Variants in PRMT7 observed in about 807,000 individuals in gnomAD.
PRMT7 encodes the protein protein arginine methyltransferase 7.
PRMT7 carries 75 observed loss-of-function variants against 85.4 expected under a neutral mutation model. The observed-to-expected ratio is 0.88, with a 90% CI of 0.73 to 1.06. PRMT7 has a LOEUF of 1.06. Among genes scored for constraint, PRMT7 ranks in the 50% least tolerant of loss-of-function variants. The pLI is 0.00. For missense variants in PRMT7, 868 were observed against 915.2 expected (o/e 0.95, Z 0.67); for synonymous variants, 397 against 359.5 (o/e 1.10, Z -1.18).
At chr16:68,339,691 C>T (rs976633064) in intron 8 of PRMT7, 97 bp from the exon 9 acceptor site, 2 of 1,573,024 alleles carry the variant, frequency 1.3e-6, no homozygotes, top group Admixed American at 1.7e-5. Context: ...GAGTCCTTTG[C>T]AGCCAAATGT....
chr16:68,314,205 G>A (rs190158980), intron 2 of PRMT7, among the ~76,000 whole-genome samples: 116 of 152,232 alleles, frequency 7.6e-4, no homozygotes, highest in Middle Eastern at 3.4e-3. Flanking sequence ...GTTTGTTCAG[G>A]GAAGATTGTT....
intron 14 of PRMT7, chr16:68,351,953 T>C (rs944299245): frequency 6.9e-5 from 18 of 261,974 alleles, no homozygotes; most frequent in Non-Finnish European, 1.4e-5. Flanking sequence ...CCCCACTTTG[T>C]CTGCTTCCCT....
At chr16:68,343,719 G>C (rs1237288381) in intron 9 of PRMT7, among the ~76,000 whole-genome samples, 3 of 152,206 alleles carry the variant, frequency 2.0e-5, no homozygotes, top group Non-Finnish European at 4.4e-5. Flanking sequence ...AAGAACCTGT[G>C]TTATTCCTGT....
intron 3 of PRMT7, among the ~76,000 whole-genome samples, chr16:68,319,742 T>TGTG (rs1271993191): frequency 5.0e-5 from 1 of 19,804 alleles, no homozygotes; most frequent in Non-Finnish European, 9.0e-5. Context: ...GTGTGTGTGT[T>TGTG]CTGGGACTCT....
At chr16:68,334,733 A>G (rs2084403190) in intron 6 of PRMT7, among the ~76,000 whole-genome samples, 3 of 152,076 alleles carry the variant, frequency 2.0e-5, no homozygotes, top group Non-Finnish European at 4.4e-5. Context: ...TCACACTCAA[A>G]ATACCAGGCC....
At chr16:68,350,774 T>C (rs1365154706) in intron 14 of PRMT7, among the ~76,000 whole-genome samples, 1 of 152,238 alleles carries the variant, frequency 6.6e-6, no homozygotes, top group Non-Finnish European at 1.5e-5. Context: ...CCTTTCTGTC[T>C]TTAGCTTGCC....
At position 68,352,413 on chromosome 16, in the gene PRMT7, G is replaced by A; in HGVS notation, c.1575+4G>A. ...CGCTGTGGTTGTGGAGTTCAGGGTA[G>A]GCCACCCAGGGGATGTTGGAGAAAA... On this transcript the variant is annotated splice_donor_region_variant and intron_variant, in intron 15 of 18. Transcript: ENST00000441236. 6.3e-7 allele frequency: 1 copy of A among 1,587,374 alleles called. No homozygotes were observed. Among genetic ancestry groups the A allele is most frequent in the Non-Finnish European group, 8.5e-7 (1 of 1,169,618 alleles).
Position 68,344,933 on chromosome 16 carries a change from T to TACACAC in PRMT7, c.928-723_928-718dup, listed in dbSNP as rs368385265. ...CTTTCTGCCTCCCTTCCTGCATCTCTACACACACACACACACACACACACG... is the reference window on the plus strand; with the variant it reads ...CTTTCTGCCTCCCTTCCTGCATCTCTACACACACACACACACACACACACACACACG... On this transcript the variant is annotated intron_variant, in intron 9 of 18. Transcript: ENST00000441236. 4.3e-3 allele frequency among the ~76,000 whole-genome samples: 562 copies of TACACAC among 131,162 alleles called. 7 individuals carry two copies. Among genetic ancestry groups the TACACAC allele is most frequent in the African/African-American group, 0.016 (519 of 33,432 alleles). The allele number at this position is 131,162 out of a possible 152,430, so 86.0% of individuals were successfully genotyped here.
At chr16:68,330,229 A>G (rs904089314) in intron 6 of PRMT7, among the ~76,000 whole-genome samples, 5 of 152,186 alleles carry the variant, frequency 3.3e-5, no homozygotes, top group African/African-American at 1.2e-4. Context: ...ACTTTGTTTC[A>G]GTCTTTGAAA....
chr16:68,325,347 C>G lies in PRMT7; in HGVS notation c.282+515C>G, dbSNP rs988409949. On this transcript the variant is annotated intron_variant, in intron 5 of 18. Coordinates refer to ENST00000441236, the MANE Select transcript of PRMT7 (RefSeq NM_019023.5). ...CATGTAAGAAAGCAAAAAATTACTT[C>G]TACCTTGTTTAAGCCAGTTATTGTG... is the stretch of plus-strand genomic sequence containing the variant. Among the ~76,000 whole-genome samples, 4 of 152,214 alleles carry G rather than the reference C, an allele frequency of 2.6e-5. No individual in the cohort carries two copies. The East Asian group carries it at 7.7e-4, about 29-fold the overall frequency.
chr16:68,335,306 G>T (rs2084505865), intron 6 of PRMT7, among the ~76,000 whole-genome samples: 1 of 152,174 alleles, frequency 6.6e-6, no homozygotes. Flanking sequence ...GCAGTCAGCG[G>T]TCCTGCTGTC....
Position 68,311,074 on chromosome 16 carries a change from G to A in PRMT7, c.-244G>A. On this transcript the variant is annotated 5_prime_UTR_variant, in exon 1 of 19. Transcript: ENST00000441236. ...CCGCGGTAAAAGTGGTAGCAGCGGAGGCGAGCGGAGGGTTTCCCGCGGCGG... is the reference window on the plus strand; with the variant it reads ...CCGCGGTAAAAGTGGTAGCAGCGGAAGCGAGCGGAGGGTTTCCCGCGGCGG... 2 of 775,134 alleles carry A rather than the reference G, an allele frequency of 2.6e-6. No homozygotes were observed. The highest frequency in any genetic ancestry group is 2.9e-5 in the South Asian group (2 of 67,992). The allele number at this position is 775,134 out of a possible 1,614,324, so 48.0% of individuals were successfully genotyped here.
chr16:68,315,334 C>T (rs933932685), intron 2 of PRMT7: 3 of 152,678 alleles, frequency 2.0e-5, no homozygotes, highest in Non-Finnish European at 4.4e-5. Context: ...CTATAAATTT[C>T]ATAGAAATGG....
rs1022516866 is a variant in PRMT7 at position 68,311,108 on chromosome 16, C to G, written c.-219+9C>G. 1 of 695,444 alleles carries G rather than the reference C, an allele frequency of 1.4e-6. No homozygotes were observed. Among genetic ancestry groups the G allele is most frequent in the African/African-American group, 1.8e-5 (1 of 57,094 alleles). 43.1% of individuals were successfully genotyped at this position (695,444 alleles called of 1,614,324 possible). ...AGGGTTTCCCGCGGCGGGTGAGGCG[C>G]TGGGTATGCTGGGAAGGTGGGGTCG... On this transcript the variant is annotated intron_variant, in intron 1 of 18. Coordinates refer to ENST00000441236, the MANE Select transcript of PRMT7 (RefSeq NM_019023.5).
At chr16:68,325,696 C>T (rs1244638127) in intron 5 of PRMT7, among the ~76,000 whole-genome samples, 1 of 151,972 alleles carries the variant, frequency 6.6e-6, no homozygotes, top group African/African-American at 2.4e-5. Context: ...GAGGCTGAGG[C>T]GAGAGAATCG....
chr16:68,311,464 C>T (rs551207703), intron 1 of PRMT7: 2 of 190,452 alleles, frequency 1.1e-5, no homozygotes, highest in African/African-American at 4.8e-5. Flanking sequence ...ATTGGAGAGT[C>T]GTGTATTCAC....
At chr16:68,334,908 T>C (rs1295899789) in intron 6 of PRMT7, among the ~76,000 whole-genome samples, 2 of 152,092 alleles carry the variant, frequency 1.3e-5, no homozygotes, top group East Asian at 3.9e-4. Context: ...GCAATTCTCA[T>C]GCCTCAGCCT....
At position 68,348,380 on chromosome 16, in the gene PRMT7, C is replaced by T. The variant is rs1408238270; in HGVS notation, c.1362C>T (p.Ile454=). The part of the protein sequence containing the change: ...KANHLEDKIN[I]IEKRPELLTN... ...ACCACTTGGAAGATAAAATTAACAT[C>T]ATAGAGAAACGGCCGGAATTATTAA... is the stretch of plus-strand genomic sequence containing the variant. The change falls in exon 14 of 19, where the codon ATC becomes ATT. Residue 454 remains isoleucine (I), a synonymous_variant. Transcript: ENST00000441236. The T allele has an allele frequency of 2.5e-6, 4 of 1,611,834 alleles. No individual in the cohort carries two copies. The highest frequency in any genetic ancestry group is 3.4e-6 in the Non-Finnish European group (4 of 1,178,178).
chr16:68,334,121 A>G lies in PRMT7; in HGVS notation c.392-3338A>G, dbSNP rs369656454. Among the ~76,000 whole-genome samples the G allele has an allele frequency of 1.1e-4, 17 of 152,194 alleles. No individual in the cohort carries two copies. The East Asian group carries it at 1.7e-3, about 15-fold the overall frequency. ...CGCTTACCACTGCAATCATTAAATC[A>G]TTATGTAGTTATGTATTTAATGTCT... On this transcript the variant is annotated intron_variant, in intron 6 of 18. Transcript: ENST00000441236.
Sources: allele counts gnomAD v4.1 joint callset (sites outside exome capture counted in the v4.1 genomes callset), GRCh38; gene constraint gnomAD v4.1.1; transcripts MANE v1.5; gene names NCBI Gene and HGNC (gene_info 2026-07-23, HGNC 2026-07-21).